ROBO2: variants seen among roughly 807,000 people sequenced by gnomAD.
ROBO2 encodes roundabout guidance receptor 2.
Under a neutral mutation model 160.8 loss-of-function variants are expected in ROBO2, and 53 were observed. The observed-to-expected ratio is 0.33, with a 90% CI of 0.26 to 0.41. ROBO2 has a LOEUF of 0.41. Among genes scored for constraint, ROBO2 ranks in the 10% least tolerant of loss-of-function variants. The pLI is 1.00. For synonymous variants in ROBO2, 664 were observed against 611.7 expected (o/e 1.09, Z -1.26); for missense variants, 1,577 against 1,722.4 (o/e 0.92, Z 1.49).
chr3:76,085,102 CATATAT>C (rs67886090), intron 2 of ROBO2, among the ~76,000 whole-genome samples: 157 of 148,956 alleles, frequency 1.1e-3, no homozygotes, highest in African/African-American at 3.3e-3. Context: ...CCCCAGTTTA[CATATAT>C]ATATATATAC....
intron 2 of ROBO2, among the ~76,000 whole-genome samples, chr3:76,668,549 A>G (rs2092143457): frequency 6.6e-6 from 1 of 152,218 alleles, no homozygotes; most frequent in African/African-American, 2.4e-5. Context: ...AGATGGGCCA[A>G]GCAAAACCGC....
At chr3:77,169,405 A>G (rs2079411592) in intron 2 of ROBO2, among the ~76,000 whole-genome samples, 1 of 152,158 alleles carries the variant, frequency 6.6e-6, no homozygotes, top group Non-Finnish European at 1.5e-5. Context: ...CTCTAAATTA[A>G]AATAAAAAGA....
intron 2 of ROBO2, among the ~76,000 whole-genome samples, chr3:75,980,941 T>C (rs1253992612): frequency 6.6e-6 from 1 of 151,524 alleles, no homozygotes; most frequent in Non-Finnish European, 1.5e-5. Flanking sequence ...GTAGAAAATA[T>C]TTTTGCAACT....
At chr3:77,098,934 G>T (rs2071498023) in intron 2 of ROBO2, among the ~76,000 whole-genome samples, 1 of 151,806 alleles carries the variant, frequency 6.6e-6, no homozygotes, top group Non-Finnish European at 1.5e-5. Context: ...TGTCATGTAC[G>T]TCTTCAAAGA....
At chr3:77,608,993 G>C (rs1396093411) in intron 21 of ROBO2, among the ~76,000 whole-genome samples, 1 of 151,352 alleles carries the variant, frequency 6.6e-6, no homozygotes, top group African/African-American at 2.4e-5. Flanking sequence ...TTTCTAACTA[G>C]AATTTTCTAT....
chr3:77,550,242 CA>C (rs1424232598), intron 7 of ROBO2, among the ~76,000 whole-genome samples: 7 of 151,962 alleles, frequency 4.6e-5, no homozygotes, highest in Non-Finnish European at 1.0e-4. Flanking sequence ...TAAATTGTAG[CA>C]TTTGTTTATA....
At chr3:76,814,387 C>T (rs2065482272) in intron 2 of ROBO2, among the ~76,000 whole-genome samples, 1 of 152,078 alleles carries the variant, frequency 6.6e-6, no homozygotes, top group Admixed American at 6.6e-5. Context: ...TTTTTGTCTC[C>T]ACTTTCCAAA....
chr3:76,410,746 T>A (rs906701114), intron 2 of ROBO2, among the ~76,000 whole-genome samples: 5 of 152,194 alleles, frequency 3.3e-5, no homozygotes, highest in African/African-American at 1.2e-4. Context: ...CTAAGATATA[T>A]GAGAATATAC....
chr3:77,560,823 A>G (rs2093298862), intron 9 of ROBO2, among the ~76,000 whole-genome samples: 1 of 152,168 alleles, frequency 6.6e-6, no homozygotes, highest in Non-Finnish European at 1.5e-5. Context: ...AGTAATAACA[A>G]GTGCTACATT....
chr3:76,855,511 CT>C, intron 2 of ROBO2, among the ~76,000 whole-genome samples: 1 of 152,300 alleles, frequency 6.6e-6, no homozygotes, highest in East Asian at 1.9e-4. Flanking sequence ...AGAAATAGTT[CT>C]CTTTTGATAA....
At position 76,807,897 on chromosome 3, in the gene ROBO2, A is replaced by G. The variant is rs2064859858; in HGVS notation, c.110-290117A>G. Among the ~76,000 whole-genome samples, 6 of 152,136 alleles carry G rather than the reference A, an allele frequency of 3.9e-5. No individual in the cohort carries two copies. The South Asian group carries it at 1.2e-3, about 32-fold the overall frequency. On this transcript the variant is annotated intron_variant, in intron 2 of 26. Coordinates refer to the ROBO2 transcript ENST00000487694. Reference sequence around the variant, plus strand: ...ATTCCATAATTATTCATGCACAAAAACTTAGGACGGTTAATGCCTAAAGGA... The same window carrying G: ...ATTCCATAATTATTCATGCACAAAAGCTTAGGACGGTTAATGCCTAAAGGA...
At chr3:76,836,901 G>A (rs1460142901) in intron 2 of ROBO2, among the ~76,000 whole-genome samples, 2 of 151,740 alleles carry the variant, frequency 1.3e-5, no homozygotes, top group Non-Finnish European at 2.9e-5. Flanking sequence ...GGTCGATTTG[G>A]TTGATGACGT....
At chr3:77,054,277 T>C (rs752460732) in intron 1 of ROBO2, among the ~76,000 whole-genome samples, 2 of 152,202 alleles carry the variant, frequency 1.3e-5, no homozygotes, top group Non-Finnish European at 2.9e-5. Flanking sequence ...GTTTGTGTTT[T>C]AGTTCATTTT....
At chr3:77,026,533 G>C (rs1217218760) in intron 2 of ROBO2, among the ~76,000 whole-genome samples, 1 of 152,166 alleles carries the variant, frequency 6.6e-6, no homozygotes, top group Non-Finnish European at 1.5e-5. Flanking sequence ...TTATTTCACA[G>C]AGTCTGAAAC....
chr3:77,536,624 G>A lies in ROBO2; in HGVS notation c.935-9714G>A, dbSNP rs561830370. Among the ~76,000 whole-genome samples, 27 of 152,262 alleles carry A rather than the reference G, an allele frequency of 1.8e-4. 1 individual carries two copies. The South Asian group carries it at 5.0e-3, about 28-fold the overall frequency. On this transcript the variant is annotated intron_variant, in intron 6 of 25. Transcript: ENST00000461745. ...AACATGCTTGATTGTTTCCAGGAAT[G>A]TCTCTTGTGGTAGGAGGTGACTTCC...
At chr3:76,709,268 C>T (rs264556) in intron 2 of ROBO2, among the ~76,000 whole-genome samples, 54,060 of 152,010 alleles carry the variant, frequency 0.36, 11,109 homozygotes, top group Non-Finnish European at 0.47. Flanking sequence ...TGAAGTTCTG[C>T]GGCTATTGGC....
At chr3:76,876,733 A>T (rs4855991) in intron 2 of ROBO2, among the ~76,000 whole-genome samples, 7,605 of 152,240 alleles carry the variant, frequency 0.05, 263 homozygotes, top group South Asian at 0.13. Context: ...TATTGCAAAG[A>T]AATACAGGGT....
At position 77,434,501 on chromosome 3, in the gene ROBO2, C is replaced by CTGAA. The variant is rs1159271558; in HGVS notation, c.389-42901_389-42898dup. ...ATTACTGAAAGAATTAATGTGCCGA[C>CTGAA]TGAATGAATGAATGAGCTCATTTAA... On this transcript the variant is annotated intron_variant, in intron 2 of 25. Transcript: ENST00000461745. Among the ~76,000 whole-genome samples the CTGAA allele has an allele frequency of 3.3e-5, 5 of 152,064 alleles. No homozygotes were observed. The East Asian group carries it at 9.6e-4, about 29-fold the overall frequency.
intron 17 of ROBO2, among the ~76,000 whole-genome samples, chr3:77,591,076 T>C (rs904678997): frequency 3.3e-5 from 5 of 152,098 alleles, no homozygotes; most frequent in South Asian, 2.1e-4. Context: ...ATATAAACAA[T>C]TTAATATGAG....
Sources: gnomAD v4.1 joint callset for allele counts (sites outside exome capture counted in the v4.1 genomes callset) on GRCh38, gnomAD v4.1.1 for gene constraint, MANE v1.5 for transcripts, NCBI Gene and HGNC (gene_info 2026-07-23, HGNC 2026-07-21) for gene names.